The following TMEM65 variants were observed in gnomAD, a reference collection of about 807,000 sequenced individuals.
TMEM65 encodes transmembrane protein 65.
Under a neutral mutation model 25.4 loss-of-function variants are expected in TMEM65, and 22 were observed. That is an observed-to-expected ratio of 0.86 (90% CI 0.62 to 1.23). The LOEUF (loss-of-function observed/expected upper bound fraction) is 1.23. TMEM65 is among the 50% of genes most tolerant of loss of function. The probability of loss-of-function intolerance (pLI) is 0.00; values close to 1 mark genes in which losing one functional copy is unlikely to be tolerated. For synonymous variants in TMEM65, 132 were observed against 126.2 expected (o/e 1.05, Z -0.31); for missense variants, 262 against 308.2 (o/e 0.85, Z 1.12).
chr8:124,349,383 A>G (rs1814678525), intron 1 of TMEM65, among the ~76,000 whole-genome samples: 1 of 152,190 alleles, frequency 6.6e-6, no homozygotes, highest in African/African-American at 2.4e-5. Flanking sequence ...AGAAAATCAA[A>G]TGATACATCA....
At chr8:124,357,807 A>T (rs75963390) in intron 1 of TMEM65, among the ~76,000 whole-genome samples, 7,049 of 94,124 alleles carry the variant, frequency 0.075, 549 homozygotes, top group African/African-American at 0.29. Context: ...CTTTTTTTTT[A>T]TATATATTTT....
chr8:124,324,352 A>G (rs992908763), intron 3 of TMEM65, among the ~76,000 whole-genome samples: 9 of 152,192 alleles, frequency 5.9e-5, no homozygotes, highest in African/African-American at 1.7e-4. Context: ...ACTTTAAGAT[A>G]TAATTCTTGT....
At chr8:124,371,243 T>C (rs1234842277) in intron 1 of TMEM65, among the ~76,000 whole-genome samples, 1 of 152,258 alleles carries the variant, frequency 6.6e-6, no homozygotes, top group Admixed American at 6.5e-5. Context: ...AACTTGAATC[T>C]GTCTTTCCAT....
In TMEM65 at chr8:124,313,696, T is replaced by C; in HGVS notation, c.*264A>G. 2.9e-6 allele frequency: 1 copy of C among 346,910 alleles called. No homozygotes were observed. Among genetic ancestry groups the C allele is most frequent in the Non-Finnish European group, 5.2e-6 (1 of 190,896 alleles). 21.5% of individuals were successfully genotyped at this position (346,910 alleles called of 1,614,324 possible). On this transcript the variant is annotated 3_prime_UTR_variant, in exon 7 of 7. Transcript: ENST00000297632. Reference sequence around the variant, plus strand: ...CATCAATGACACTTAAATAACATTATGAATATAAAAAGAAAGGATAAAATG... The same window carrying C: ...CATCAATGACACTTAAATAACATTACGAATATAAAAAGAAAGGATAAAATG...
chr8:124,362,072 A>G (rs1586474388), intron 1 of TMEM65, among the ~76,000 whole-genome samples: 1 of 151,630 alleles, frequency 6.6e-6, no homozygotes, highest in South Asian at 2.1e-4. Flanking sequence ...TTGTACTTTT[A>G]GTAGATTCGG....
chr8:124,337,957 A>G (rs1373353590), intron 1 of TMEM65, among the ~76,000 whole-genome samples: 1 of 152,020 alleles, frequency 6.6e-6, no homozygotes, highest in African/African-American at 2.4e-5. Context: ...TTAGAAAATA[A>G]CATCTAAAAT....
At chr8:124,330,936 CA>C (rs1814424450) in intron 1 of TMEM65, 144 bp from the exon 2 acceptor site, 3 of 744,244 alleles carry the variant, frequency 4.0e-6, no homozygotes. Flanking sequence ...TAAGGGACCA[CA>C]TTTGTCCATA....
chr8:124,325,117 G>A (rs1187902292), intron 3 of TMEM65, among the ~76,000 whole-genome samples: 1 of 151,774 alleles, frequency 6.6e-6, no homozygotes, highest in East Asian at 1.9e-4. Flanking sequence ...CTTTGTTTTT[G>A]TTTGAATTTG....
rs138212658 is a variant in TMEM65, at chr8:124,314,639, ATTTG to A, written c.622-582_622-579del. On this transcript the variant is annotated intron_variant, in intron 6 of 6. Coordinates refer to ENST00000297632, the MANE Select transcript of TMEM65 (RefSeq NM_194291.3). ...ATTTTATTTCATTTTTATTTATTTT[ATTTG>A]TTTTAGAGACAGGGTCTCCCTTTGT... is the stretch of plus-strand genomic sequence containing the variant. 9.8e-3 allele frequency among the ~76,000 whole-genome samples: 1,497 copies of A among 152,140 alleles called. 9 individuals carry two copies. Among genetic ancestry groups the A allele is most frequent in the Non-Finnish European group, 0.016 (1,096 of 67,958 alleles).
intron 1 of TMEM65, among the ~76,000 whole-genome samples, chr8:124,334,420 A>G (rs560533838): frequency 3.4e-4 from 52 of 152,300 alleles, no homozygotes; most frequent in African/African-American, 1.2e-3. Context: ...AAATATCGAA[A>G]AAAGAACCAA....
intron 1 of TMEM65, among the ~76,000 whole-genome samples, chr8:124,351,591 C>T (rs535075855): frequency 6.6e-6 from 1 of 152,262 alleles, no homozygotes; most frequent in African/African-American, 2.4e-5. Context: ...TAAATTGTCA[C>T]ACACTTTTCT....
In TMEM65 at chr8:124,326,494, T is replaced by A. The variant is rs961097465; in HGVS notation, c.417+860A>T. 2.3e-4 allele frequency among the ~76,000 whole-genome samples: 35 copies of A among 152,166 alleles called. 2 individuals are homozygous for A. The East Asian group carries it at 6.7e-3, about 29-fold the overall frequency. On this transcript the variant is annotated intron_variant, in intron 3 of 6. Transcript: ENST00000297632. ...TGTATCTGTGAATGTGAGAAACTTA[T>A]TCAACTATTTAGAACCACACTGCCT...
chr8:124,371,753 G>C, intron 1 of TMEM65, 101 bp downstream of exon 1: 1 of 1,182,144 alleles, frequency 8.5e-7, no homozygotes, highest in Non-Finnish European at 1.1e-6. Context: ...GGGGGCGGCG[G>C]CGGGGGTCCA....
rs1209447759 is a variant in TMEM65 at position 124,310,556 on chromosome 8, G to C, written c.*3404C>G. 2 of 152,048 alleles carry C rather than the reference G, an allele frequency of 1.3e-5. No individual in the cohort carries two copies. Among genetic ancestry groups the C allele is most frequent in the Non-Finnish European group, 2.9e-5 (2 of 67,998 alleles). 9.4% of individuals were successfully genotyped at this position (152,048 alleles called of 1,614,324 possible). On this transcript the variant is annotated 3_prime_UTR_variant, in exon 7 of 7. Coordinates refer to ENST00000297632, the MANE Select transcript of TMEM65 (RefSeq NM_194291.3). ...AATTTAGCTATGAGAAAATAGAGAT[G>C]ATAATGATAATAGCCCCAACTTAAT...
At chr8:124,316,858 CAT>C (rs943020912) in intron 6 of TMEM65, among the ~76,000 whole-genome samples, 30 of 152,110 alleles carry the variant, frequency 2.0e-4, no homozygotes, top group Non-Finnish European at 3.5e-4. Flanking sequence ...GATATGGACA[CAT>C]GTAAACTAAA....
intron 1 of TMEM65, among the ~76,000 whole-genome samples, chr8:124,355,782 A>G (rs1217313298): frequency 2.0e-5 from 3 of 152,240 alleles, no homozygotes; most frequent in Non-Finnish European, 2.9e-5. Context: ...CTGCAAGGAC[A>G]GACAGGATCT....
intron 6 of TMEM65, among the ~76,000 whole-genome samples, chr8:124,316,091 T>C (rs879520944): frequency 6.6e-6 from 1 of 152,134 alleles, no homozygotes; most frequent in Non-Finnish European, 1.5e-5. Context: ...TCTGACCCAA[T>C]TATCTCAAGA....
chr8:124,322,882 G>A (rs975872387), intron 4 of TMEM65, among the ~76,000 whole-genome samples: 1 of 151,934 alleles, frequency 6.6e-6, no homozygotes, highest in African/African-American at 2.4e-5. Flanking sequence ...AGTAGTCCCA[G>A]CTACTCATGA....
chr8:124,354,372 T>C lies in TMEM65; in HGVS notation c.304+17482A>G, dbSNP rs10098511. On this transcript the variant is annotated intron_variant, in intron 1 of 6. Transcript: ENST00000297632. Reference sequence around the variant, plus strand: ...TGGTAGTAAAGTACCCATGTTATATTGTGGTTATCCAGGGCAATGTTCTTG... The same window carrying C: ...TGGTAGTAAAGTACCCATGTTATATCGTGGTTATCCAGGGCAATGTTCTTG... Among the ~76,000 whole-genome samples the C allele has an allele frequency of 6.8e-3, 1,041 of 152,340 alleles. 14 individuals are homozygous for C. Among genetic ancestry groups the C allele is most frequent in the African/African-American group, 0.022 (934 of 41,572 alleles).
Sources: gnomAD v4.1 joint callset for allele counts (sites outside exome capture counted in the v4.1 genomes callset) on GRCh38, gnomAD v4.1.1 for gene constraint, MANE v1.5 for transcripts, NCBI Gene and HGNC (gene_info 2026-07-23, HGNC 2026-07-21) for gene names.